SLC16A7: variants seen among roughly 807,000 people sequenced by gnomAD.
The protein encoded by SLC16A7 is monocarboxylate transporter 2.
A neutral mutation model predicts 34.9 loss-of-function variants in SLC16A7; 33 were observed. The ratio of observed to expected loss-of-function variants is 0.94; its 90% CI spans 0.72 to 1.26. The LOEUF (loss-of-function observed/expected upper bound fraction) is 1.26, where lower values mean the gene tolerates loss of function less well. Ranked by LOEUF, SLC16A7 falls within the 50% of genes most tolerant of loss-of-function variation. The pLI is 0.00. For missense variants in SLC16A7, 573 were observed against 578.1 expected (o/e 0.99, Z 0.09); for synonymous variants, 201 against 206.6 (o/e 0.97, Z 0.23).
At chr12:59,606,248 A>G (rs975380152) in intron 1 of SLC16A7, among the ~76,000 whole-genome samples, 13 of 152,340 alleles carry the variant, frequency 8.5e-5, no homozygotes, top group African/African-American at 2.4e-4. Context: ...GCTGATATTG[A>G]TGCTGCAAAA....
intron 1 of SLC16A7, among the ~76,000 whole-genome samples, chr12:59,612,189 G>T (rs907655568): frequency 6.6e-6 from 1 of 152,174 alleles, no homozygotes; most frequent in African/African-American, 2.4e-5. Context: ...TCGACATCTC[G>T]GCATTTCCAT....
intron 3 of SLC16A7, among the ~76,000 whole-genome samples, chr12:59,756,486 G>A (rs1880363870): frequency 6.6e-6 from 1 of 152,098 alleles, no homozygotes; most frequent in Admixed American, 6.6e-5. Flanking sequence ...CATTTATGCA[G>A]CCAAAAAACA....
At position 59,780,477 on chromosome 12, in the gene SLC16A7, T is replaced by G. The variant is rs866744384; in HGVS notation, c.*798T>G. On this transcript the variant is annotated 3_prime_UTR_variant, in exon 6 of 6. Coordinates refer to ENST00000547379, the MANE Select transcript of SLC16A7 (RefSeq NM_001270623.2). ...ATGATTTTTTTTGAGTAGGGAGCAT[T>G]AGTACCTGGTGCTAGAGAATAGAAC... 2.6e-5 allele frequency: 4 copies of G among 152,224 alleles called. No homozygotes were observed. Among genetic ancestry groups the G allele is most frequent in the Middle Eastern group, 3.4e-3 (1 of 294 alleles). 9.4% of individuals were successfully genotyped at this position (152,224 alleles called of 1,614,324 possible).
At chr12:59,701,097 T>A (rs1168478419) in intron 2 of SLC16A7, among the ~76,000 whole-genome samples, 1 of 151,766 alleles carries the variant, frequency 6.6e-6, no homozygotes, top group East Asian at 1.9e-4. Flanking sequence ...ATATTTTTTC[T>A]CTTCAAAAAT....
chr12:59,664,785 C>CT (rs1360421848), intron 2 of SLC16A7: 5 of 152,082 alleles, frequency 3.3e-5, no homozygotes, highest in Non-Finnish European at 7.4e-5. Flanking sequence ...AAATAACTAA[C>CT]TTTGCCCTAT....
At chr12:59,754,365 C>G (rs1219463120) in intron 3 of SLC16A7, among the ~76,000 whole-genome samples, 2 of 151,648 alleles carry the variant, frequency 1.3e-5, no homozygotes, top group Non-Finnish European at 2.9e-5. Flanking sequence ...GCTAGCAAGA[C>G]TAATAAAGAA....
intron 3 of SLC16A7, among the ~76,000 whole-genome samples, chr12:59,765,436 G>A (rs1280974644): frequency 6.6e-6 from 1 of 152,144 alleles, no homozygotes; most frequent in African/African-American, 2.4e-5. Flanking sequence ...GTAATGCCTA[G>A]GTTTTCTTCT....
chr12:59,695,545 C>T (rs1465603186), intron 2 of SLC16A7, among the ~76,000 whole-genome samples: 2 of 152,052 alleles, frequency 1.3e-5, no homozygotes, highest in Non-Finnish European at 2.9e-5. Context: ...CCTCTTTACT[C>T]ATAGTCTTCC....
At chr12:59,739,903 C>T (rs1451951185) in intron 3 of SLC16A7, among the ~76,000 whole-genome samples, 2 of 152,090 alleles carry the variant, frequency 1.3e-5, no homozygotes, top group African/African-American at 2.4e-5. Context: ...TTGTTTTTCT[C>T]TTGTATATTT....
chr12:59,755,494 T>A (rs75016412), intron 3 of SLC16A7, among the ~76,000 whole-genome samples: 14,910 of 152,124 alleles, frequency 0.098, 911 homozygotes, highest in Non-Finnish European at 0.13. Context: ...ATGAGTGAAC[T>A]CCCTTTCACA....
chr12:59,688,119 ATAGTT>A (rs1394598663), intron 2 of SLC16A7, among the ~76,000 whole-genome samples: 3 of 152,032 alleles, frequency 2.0e-5, no homozygotes, highest in African/African-American at 7.2e-5. Flanking sequence ...ACTCCAGTGG[ATAGTT>A]AACATTCTGT....
At chr12:59,718,298 T>A (rs2137192129) in intron 3 of SLC16A7, among the ~76,000 whole-genome samples, 1 of 152,264 alleles carries the variant, frequency 6.6e-6, no homozygotes, top group African/African-American at 2.4e-5. Flanking sequence ...CTGCATACAA[T>A]CTTGTTTCAA....
At chr12:59,733,768 C>A (rs971231367) in intron 3 of SLC16A7, 3 of 456,010 alleles carry the variant, frequency 6.6e-6, no homozygotes, top group Non-Finnish European at 1.3e-5. Flanking sequence ...CATGGACAAC[C>A]GGAGAGCGAG....
intron 1 of SLC16A7, among the ~76,000 whole-genome samples, chr12:59,654,627 A>G (rs1327633604): frequency 3.3e-5 from 5 of 151,864 alleles, no homozygotes; most frequent in African/African-American, 4.8e-5. Context: ...ATTAATGTAA[A>G]TAGTTTTAAT....
At chr12:59,755,903 A>G (rs1274591138) in intron 3 of SLC16A7, among the ~76,000 whole-genome samples, 1 of 152,200 alleles carries the variant, frequency 6.6e-6, no homozygotes, top group Non-Finnish European at 1.5e-5. Flanking sequence ...TGGTACCAAA[A>G]CAGAGATATA....
intron 3 of SLC16A7, among the ~76,000 whole-genome samples, chr12:59,713,338 A>G (rs950627097): frequency 6.6e-6 from 1 of 152,088 alleles, no homozygotes; most frequent in Non-Finnish European, 1.5e-5. Context: ...CCTTTAAAAG[A>G]AGGACCTTTC....
intron 5 of SLC16A7, among the ~76,000 whole-genome samples, chr12:59,777,557 G>A (rs556133256): frequency 6.6e-6 from 1 of 151,390 alleles, no homozygotes; most frequent in African/African-American, 2.4e-5. Flanking sequence ...AAGCATATCT[G>A]GTTTCTTGAT....
chr12:59,750,652 C>T (rs186788433), intron 3 of SLC16A7, among the ~76,000 whole-genome samples: 135 of 152,192 alleles, frequency 8.9e-4, no homozygotes, highest in Non-Finnish European at 1.5e-3. Flanking sequence ...GATGGTATGG[C>T]GATTCCTCAA....
chr12:59,719,056 G>A (rs1332410565), intron 3 of SLC16A7, among the ~76,000 whole-genome samples: 2 of 152,078 alleles, frequency 1.3e-5, no homozygotes, highest in Admixed American at 1.3e-4. Flanking sequence ...TAATTACAGA[G>A]GTCATTGTGC....
Sources: allele counts gnomAD v4.1 joint callset (sites outside exome capture counted in the v4.1 genomes callset), GRCh38; gene constraint gnomAD v4.1.1; transcripts MANE v1.5; gene names NCBI Gene and HGNC (gene_info 2026-07-23, HGNC 2026-07-21).